Variants in DBNL observed in about 807,000 individuals in gnomAD.
DBNL encodes drebrin like.
DBNL carries 35 observed loss-of-function variants against 62.2 expected under a neutral mutation model. The ratio of observed to expected loss-of-function variants is 0.56; its 90% CI spans 0.43 to 0.75. The LOEUF (loss-of-function observed/expected upper bound fraction) is 0.75. Among genes scored for constraint, DBNL ranks in the 30% least tolerant of loss-of-function variants. The pLI is 0.00. For missense variants in DBNL, 495 were observed against 578.4 expected, an observed-to-expected ratio of 0.86 and a Z score of 1.48; for synonymous variants, 197 against 218.0, an observed-to-expected ratio of 0.90 and a Z score of 0.85.
At position 44,053,902 on chromosome 7, in the gene DBNL, T is replaced by A. The variant is rs1254118565; in HGVS notation, c.327+961T>A. On this transcript the variant is annotated intron_variant, in intron 4 of 12. Transcript: ENST00000448521. Reference sequence around the variant, plus strand: ...TGTGTTAGCCAGGATGGTCTCGATCTCCTGACCTCGTGATTTGCCCGCCTT... The same window carrying A: ...TGTGTTAGCCAGGATGGTCTCGATCACCTGACCTCGTGATTTGCCCGCCTT... Among the ~76,000 whole-genome samples the A allele has an allele frequency of 6.6e-5, 10 of 152,230 alleles. No individual in the cohort carries two copies. The East Asian group carries it at 1.9e-3, about 29-fold the overall frequency.
chr7:44,058,848 G>T, intron 8 of DBNL, 54 bp from the exon 9 acceptor site: 1 of 1,607,776 alleles, frequency 6.2e-7, no homozygotes, highest in South Asian at 1.1e-5. Context: ...GTGATCTGGG[G>T]AGAGGTGGTG....
intron 1 of DBNL, among the ~76,000 whole-genome samples, chr7:44,045,537 A>G (rs2096115707): frequency 6.6e-6 from 1 of 152,214 alleles, no homozygotes; most frequent in African/African-American, 2.4e-5. Flanking sequence ...TTTACTGACC[A>G]GTTTTGAGAA....
In DBNL at chr7:44,059,383, C is replaced by T; in HGVS notation, c.865C>T (p.Gln289Ter). The T allele has an allele frequency of 2.5e-6, 4 of 1,614,096 alleles. No individual in the cohort carries two copies. The highest frequency in any genetic ancestry group is 3.4e-6 in the Non-Finnish European group (4 of 1,179,996). ...GCTGAGGAGCCCCTTCCTGCAGAAGCAGCTCACCCAACCAGAGACCCACTT... is the reference window on the plus strand; with the variant it reads ...GCTGAGGAGCCCCTTCCTGCAGAAGTAGCTCACCCAACCAGAGACCCACTT... ...GKLRSPFLQK[Q>*]LTQPETHFGR... Residue 289 changes from glutamine to a stop codon, truncating the protein, a stop_gained, in exon 10 of 13, where the codon CAG (glutamine) becomes TAG (stop). Transcript: ENST00000448521. LOFTEE classifies it high-confidence loss of function. This position sits in a 1 kb window ranked among gnomAD's most constrained non-coding sequence, Gnocchi z 4.1.
At chr7:44,050,108 C>A in intron 1 of DBNL, 117 bp from the exon 2 acceptor site, 1 of 1,170,914 alleles carries the variant, frequency 8.5e-7, no homozygotes, top group East Asian at 2.5e-5. Flanking sequence ...TGTGCCCACC[C>A]ACAGTGTTAC....
chr7:44,052,537 G>T (rs1393187817), intron 3 of DBNL, among the ~76,000 whole-genome samples: 1 of 151,648 alleles, frequency 6.6e-6, no homozygotes, highest in African/African-American at 2.4e-5. Flanking sequence ...TTGAACCCAG[G>T]AGGCAGAAGT....
At chr7:44,052,817 A>G (rs1283182494) in intron 3 of DBNL, 50 bp from the exon 4 acceptor site, 9 of 1,608,066 alleles carry the variant, frequency 5.6e-6, no homozygotes, top group Non-Finnish European at 7.6e-6. Flanking sequence ...CAGGGAAGGG[A>G]AGTGGCTTTG....
Position 44,052,885 on chromosome 7 carries a change from G to T in DBNL, c.271G>T (p.Asp91Tyr). 6.2e-7 allele frequency: 1 copy of T among 1,613,884 alleles called. No individual in the cohort carries two copies. ...GTTGCAGACAGGCGAGGGCGTGAAC[G>T]ATGTGCGGAAGGGAGCCTGTGCCAG... is the stretch of plus-strand genomic sequence containing the variant. ...LINWTGEGVNDVRKGACASHV... is the reference protein window; with the variant it reads ...LINWTGEGVNYVRKGACASHV... Residue 91 changes from aspartate (D) to tyrosine (Y), a missense_variant, in exon 4 of 13, where the codon GAT becomes TAT. By Grantham distance (160) the Asp-to-Tyr change is radical (BLOSUM62 -3). Coordinates refer to ENST00000448521, the MANE Select transcript of DBNL (RefSeq NM_001014436.3).
At chr7:44,058,863 T>G (rs751723631) in intron 8 of DBNL, 39 bp from the exon 9 acceptor site, 1 of 1,613,000 alleles carries the variant, frequency 6.2e-7, no homozygotes, top group Non-Finnish European at 8.5e-7. Context: ...GTGGTGAAGG[T>G]TTTGCCCACT....
chr7:44,065,183 C>T lies in DBNL; in HGVS notation c.*4267C>T. On this transcript the variant is annotated 3_prime_UTR_variant, in exon 13 of 13. Transcript: ENST00000448521. Reference sequence around the variant, plus strand: ...GGGCGGCGGGATGTCGAAGGAGCGCCTCCAGATCTTCACCTGCTCCTCCCC... The same window carrying T: ...GGGCGGCGGGATGTCGAAGGAGCGCTTCCAGATCTTCACCTGCTCCTCCCC... 1 of 1,613,990 alleles carries T rather than the reference C, an allele frequency of 6.2e-7. No homozygotes were observed. Among genetic ancestry groups the T allele is most frequent in the South Asian group, 1.1e-5 (1 of 91,074 alleles).
At chr7:44,051,447 C>T (rs1268788897) in intron 2 of DBNL, 1 of 187,846 alleles carries the variant, frequency 5.3e-6, no homozygotes, top group Non-Finnish European at 1.1e-5. Flanking sequence ...CCTTTTGCAA[C>T]GTTGTGGCAA....
intron 4 of DBNL, among the ~76,000 whole-genome samples, chr7:44,055,336 C>T (rs140776140): frequency 0.052 from 7,925 of 152,134 alleles, 217 homozygotes; most frequent in Admixed American, 0.064. Flanking sequence ...GGTGTGGTGG[C>T]GGGCACCTGT....
intron 2 of DBNL, 117 bp downstream of exon 2, chr7:44,050,397 G>GGAA: frequency 2.0e-6 from 2 of 1,014,454 alleles, no homozygotes; most frequent in East Asian, 2.5e-5. Flanking sequence ...AGTGCTCACT[G>GGAA]GCCACTTCTG....
intron 8 of DBNL, 52 bp from the exon 9 acceptor site, chr7:44,058,850 G>C (rs765572755): frequency 6.2e-7 from 1 of 1,608,732 alleles, no homozygotes; most frequent in Admixed American, 1.7e-5. Context: ...GATCTGGGGA[G>C]AGGTGGTGAA....
At chr7:44,053,108 C>T (rs1036985484) in intron 4 of DBNL, among the ~76,000 whole-genome samples, 167 bp downstream of exon 4, 5 of 152,212 alleles carry the variant, frequency 3.3e-5, no homozygotes, top group Admixed American at 6.5e-5. Flanking sequence ...GCTTCACTCT[C>T]GGTCAGTGAG....
In DBNL at chr7:44,051,867, C is replaced by T. The variant is rs751159169; in HGVS notation, c.177C>T (p.Ser59=). 2.5e-5 allele frequency: 41 copies of T among 1,613,944 alleles called. No individual in the cohort carries two copies. Among genetic ancestry groups the T allele is most frequent in the East Asian group, 4.5e-5 (2 of 44,878 alleles). The part of the protein sequence containing the change: ...GLEEMVEELN[S]GKVMYAFCRV... ...AGGAGATGGTGGAGGAGCTCAACAG[C>T]GGGAAGGTGATGTACGCCTTCTGCA... The change falls in exon 3 of 13, where the codon AGC becomes AGT. Residue 59 remains serine, a synonymous_variant. Transcript: ENST00000448521.
At position 44,064,895 on chromosome 7, in the gene DBNL, C is replaced by T. The variant is rs772187619; in HGVS notation, c.*3979C>T. 4.8e-5 allele frequency: 77 copies of T among 1,611,444 alleles called. 1 individual carries two copies. The highest frequency in any genetic ancestry group is 3.8e-4 in the Admixed American group (23 of 59,842). On this transcript the variant is annotated 3_prime_UTR_variant, in exon 13 of 13. Transcript: ENST00000448521. ...TGGGCTGCAATGAGCACTCGCTTGCCGGCCTTGATCTGGGGAACAATCTCC... is the reference window on the plus strand; with the variant it reads ...TGGGCTGCAATGAGCACTCGCTTGCTGGCCTTGATCTGGGGAACAATCTCC...
rs2096159712 is a variant in DBNL at position 44,066,231 on chromosome 7, A to C, written c.*5315A>C. 6.4e-6 allele frequency: 1 copy of C among 155,296 alleles called. No individual in the cohort carries two copies. The highest frequency in any genetic ancestry group is 1.4e-5 in the Non-Finnish European group (1 of 69,948). 9.6% of individuals were successfully genotyped at this position (155,296 alleles called of 1,614,324 possible). A position where few individuals can be genotyped will look rare whatever the true frequency, so the allele number is the denominator to read the frequency against. On this transcript the variant is annotated 3_prime_UTR_variant, in exon 13 of 13. Transcript: ENST00000448521. ...CTCCCACCCTATCTGCCCTCACCCAAGCCACGCTCACTCTCCTAGCCGAAA... is the reference window on the plus strand; with the variant it reads ...CTCCCACCCTATCTGCCCTCACCCACGCCACGCTCACTCTCCTAGCCGAAA...
chr7:44,065,469 G>A lies in DBNL; in HGVS notation c.*4553G>A, dbSNP rs755922249. 1.3e-5 allele frequency: 21 copies of A among 1,614,106 alleles called. No individual in the cohort carries two copies. The highest frequency in any genetic ancestry group is 6.7e-5 in the African/African-American group (5 of 75,062). The stretch of plus-strand genomic sequence containing the variant: ...TCTGCATCGAACCAGCCACAGAAAC[G>A]GTTCTCCTGGTTCCATGTGCTCTCG... On this transcript the variant is annotated 3_prime_UTR_variant, in exon 13 of 13. Transcript: ENST00000448521.
At position 44,064,823 on chromosome 7, in the gene DBNL, T is replaced by A; in HGVS notation, c.*3907T>A. 8.9e-7 allele frequency: 1 copy of A among 1,119,338 alleles called. No homozygotes were observed. Among genetic ancestry groups the A allele is most frequent in the South Asian group, 1.2e-5 (1 of 80,570 alleles). The allele number at this position is 1,119,338 out of a possible 1,614,324, so 69.3% of individuals were successfully genotyped here. A position where few individuals can be genotyped will look rare whatever the true frequency, so the allele number is the denominator to read the frequency against. On this transcript the variant is annotated 3_prime_UTR_variant, in exon 13 of 13. Coordinates refer to ENST00000448521, the MANE Select transcript of DBNL (RefSeq NM_001014436.3). ...CCCACCCTGCCCAGGCTCCTGAAGG[T>A]GGCCTCACCTTCCAGGTGCTTGACA... is the stretch of plus-strand genomic sequence containing the variant.
Sources: allele counts gnomAD v4.1 joint callset (sites outside exome capture counted in the v4.1 genomes callset), GRCh38; gene constraint gnomAD v4.1.1; non-coding constraint Gnocchi (gnomAD v3.1); transcripts MANE v1.5; gene names NCBI Gene and HGNC (gene_info 2026-07-23, HGNC 2026-07-21).